DOCK11: variants seen among roughly 807,000 people sequenced by gnomAD.
The protein encoded by DOCK11 is dedicator of cytokinesis protein 11.
In DOCK11, 70 loss-of-function variants were observed where a neutral mutation model predicts 169.1. The ratio of observed to expected loss-of-function variants is 0.41; its 90% CI spans 0.34 to 0.51. The LOEUF (loss-of-function observed/expected upper bound fraction) is 0.51, where lower values mean the gene tolerates loss of function less well. DOCK11 is among the 20% of genes least tolerant of loss of function. The pLI is 0.10. For missense variants in DOCK11, 1,166 were observed against 1,538.8 expected (o/e 0.76, Z 4.05); for synonymous variants, 529 against 541.3 (o/e 0.98, Z 0.32).
intron 1 of DOCK11, among the ~76,000 whole-genome samples, chrX:118,508,921 C>T (rs1481425765): frequency 8.9e-6 from 1 of 112,437 alleles, no homozygotes; most frequent in Admixed American, 9.4e-5. Context: ...GCTTCCTTTG[C>T]TCAGTACTGC....
chrX:118,571,048 G>A (rs1315607379), intron 10 of DOCK11, among the ~76,000 whole-genome samples: 1 of 111,692 alleles, frequency 9.0e-6, no homozygotes, highest in African/African-American at 3.3e-5. Context: ...GCTCAGTGTT[G>A]CTCAGTTTCC....
chrX:118,516,253 C>T (rs1224223771), intron 1 of DOCK11, among the ~76,000 whole-genome samples: 23 of 102,453 alleles, frequency 2.2e-4, no homozygotes, highest in Non-Finnish European at 4.5e-4. Flanking sequence ...CCACCATGCC[C>T]GGCTAATTTT....
intron 1 of DOCK11, among the ~76,000 whole-genome samples, chrX:118,516,096 T>TC (rs1381686496): frequency 1.3e-5 from 1 of 78,642 alleles, no homozygotes; most frequent in African/African-American, 5.3e-5. Context: ...TCTTTTTCTT[T>TC]TTTTTTTTTT....
At chrX:118,530,617 A>G (rs1224407690) in intron 1 of DOCK11, among the ~76,000 whole-genome samples, 4 of 111,912 alleles carry the variant, frequency 3.6e-5, no homozygotes, top group Non-Finnish European at 7.5e-5. Flanking sequence ...CTTGCCTGCC[A>G]TGGGGATTTT....
At chrX:118,648,519 A>AAT (rs1190126173) in intron 40 of DOCK11, among the ~76,000 whole-genome samples, 35 of 89,824 alleles carry the variant, frequency 3.9e-4, no homozygotes, top group East Asian at 3.6e-3. Flanking sequence ...ATTAATATGT[A>AAT]ATATATATAT....
chrX:118,559,621 C>T (rs1373273909), intron 6 of DOCK11, among the ~76,000 whole-genome samples: 1 of 110,329 alleles, frequency 9.1e-6, no homozygotes, highest in African/African-American at 3.3e-5. Context: ...GCAAATAGGC[C>T]AGGCAGGGTG....
At chrX:118,631,453 A>C (rs2015240688) in intron 35 of DOCK11, among the ~76,000 whole-genome samples, 1 of 112,008 alleles carries the variant, frequency 8.9e-6, no homozygotes, top group Non-Finnish European at 1.9e-5. Flanking sequence ...TTTAGCATAA[A>C]TATCAAACAT....
chrX:118,646,338 GAAT>G (rs1337234322), intron 40 of DOCK11, among the ~76,000 whole-genome samples: 1 of 110,142 alleles, frequency 9.1e-6, no homozygotes, highest in African/African-American at 3.3e-5. Flanking sequence ...TGAAGAAGAA[GAAT>G]AACAACAACA....
chrX:118,675,198 G>A (rs1228188421), intron 46 of DOCK11, among the ~76,000 whole-genome samples: 1 of 111,755 alleles, frequency 8.9e-6, no homozygotes, highest in Non-Finnish European at 1.9e-5. Flanking sequence ...CATATCCTTT[G>A]GAAATATCTG....
chrX:118,651,936 G>A (rs753073473), intron 41 of DOCK11, 28 bp from the exon 42 acceptor site: 2 of 1,072,177 alleles, frequency 1.9e-6, no homozygotes, highest in Admixed American at 4.8e-5. Flanking sequence ...AAAGTTATTT[G>A]GAAAATAATA....
intron 40 of DOCK11, among the ~76,000 whole-genome samples, chrX:118,645,797 C>T (rs1299690791): frequency 9.3e-6 from 1 of 107,449 alleles, no homozygotes; most frequent in African/African-American, 3.4e-5. Context: ...ATCTGTAATC[C>T]CAGCACTTTG....
At chrX:118,672,844 C>G (rs977400243) in intron 46 of DOCK11, among the ~76,000 whole-genome samples, 1 of 112,562 alleles carries the variant, frequency 8.9e-6, no homozygotes, top group Non-Finnish European at 1.9e-5. Flanking sequence ...CATCTCTCCT[C>G]CAAACTAGCT....
chrX:118,516,598 C>A (rs754254402), intron 1 of DOCK11, among the ~76,000 whole-genome samples: 8 of 108,611 alleles, frequency 7.4e-5, no homozygotes, highest in Non-Finnish European at 1.3e-4. Context: ...CATGCCCAAG[C>A]TAATTTTTGT....
At chrX:118,554,103 A>G (rs868688919) in intron 6 of DOCK11, among the ~76,000 whole-genome samples, 1 of 111,810 alleles carries the variant, frequency 8.9e-6, no homozygotes. Flanking sequence ...CCTGGGCTGA[A>G]GCGATCCTCT....
intron 41 of DOCK11, among the ~76,000 whole-genome samples, chrX:118,651,254 C>A (rs1404411568): frequency 1.8e-5 from 2 of 111,586 alleles, no homozygotes; most frequent in East Asian, 5.6e-4. Context: ...GGCAACATGG[C>A]AAAATCCTGT....
intron 1 of DOCK11, among the ~76,000 whole-genome samples, chrX:118,529,223 C>T (rs1312868623): frequency 9.0e-6 from 1 of 111,414 alleles, no homozygotes. Flanking sequence ...ACCTTGTGAT[C>T]CGCCTGCCTT....
rs759141768 is a variant in DOCK11, at chrX:118,628,307, C to A, written c.3774+35C>A. The A allele has an allele frequency of 1.0e-5, 10 of 984,968 alleles. No individual in the cohort carries two copies. The Admixed American group carries it at 2.4e-4, about 24-fold the overall frequency. The allele number at this position is 984,968 out of a possible 1,213,427, so 81.2% of individuals were successfully genotyped here. ...TAAATATATAGGATGACCCTAGTGA[C>A]ACATTAGCCTGCAACAATTTTTTTA... On this transcript the variant is annotated intron_variant, in intron 34 of 52. Coordinates refer to ENST00000276202, the MANE Select transcript of DOCK11 (RefSeq NM_144658.4).
At chrX:118,522,944 A>G (rs1315514387) in intron 1 of DOCK11, among the ~76,000 whole-genome samples, 3 of 112,332 alleles carry the variant, frequency 2.7e-5, no homozygotes, top group African/African-American at 9.7e-5. Context: ...CGCTGACTCT[A>G]TTTGCTCACT....
chrX:118,681,994 C>A (rs909490799), intron 51 of DOCK11, among the ~76,000 whole-genome samples, 200 bp downstream of exon 51: 1 of 111,726 alleles, frequency 9.0e-6, no homozygotes, highest in Non-Finnish European at 1.9e-5. Context: ...ATTAACAATA[C>A]CCTAGTGACC....
Sources: gnomAD v4.1 joint callset for allele counts (sites outside exome capture counted in the v4.1 genomes callset) on GRCh38, gnomAD v4.1.1 for gene constraint, MANE v1.5 for transcripts, NCBI Gene and HGNC (gene_info 2026-07-23, HGNC 2026-07-21) for gene names.